The following CLVS1 variants were observed in gnomAD, a reference collection of about 807,000 sequenced individuals.
CLVS1 encodes clavesin 1.
A neutral mutation model predicts 33.1 loss-of-function variants in CLVS1; 10 were observed. The ratio of observed to expected loss-of-function variants is 0.30; its 90% confidence interval spans 0.19 to 0.51. CLVS1 has a LOEUF of 0.51. CLVS1 is among the 20% of genes least tolerant of loss of function. CLVS1 has a pLI of 0.97. For missense variants in CLVS1, 343 were observed against 433.4 expected, an observed-to-expected ratio of 0.79 and a Z score of 1.85; for synonymous variants, 163 against 166.1, an observed-to-expected ratio of 0.98 and a Z score of 0.14.
chr8:61,251,385 G>T (rs941235668), intron 2 of CLVS1, among the ~76,000 whole-genome samples: 2 of 152,070 alleles, frequency 1.3e-5, no homozygotes, highest in Non-Finnish European at 1.5e-5. Context: ...TTTTTTTGTG[G>T]TGTCTCTGCC....
chr8:61,267,213 T>C (rs1022077948), intron 2 of CLVS1, among the ~76,000 whole-genome samples: 2 of 152,198 alleles, frequency 1.3e-5, no homozygotes, highest in African/African-American at 4.8e-5. Flanking sequence ...ATAAGCGTAG[T>C]GTGGGGGCAT....
chr8:61,352,025 A>G (rs1432909579), intron 2 of CLVS1, among the ~76,000 whole-genome samples: 1 of 152,082 alleles, frequency 6.6e-6, no homozygotes, highest in Non-Finnish European at 1.5e-5. Flanking sequence ...ACATGTGCAT[A>G]TAATAAACTA....
chr8:61,363,597 A>G (rs1263331267), intron 2 of CLVS1, among the ~76,000 whole-genome samples: 1 of 152,128 alleles, frequency 6.6e-6, no homozygotes, highest in Non-Finnish European at 1.5e-5. Context: ...AGCAAAATTA[A>G]CTCTCCAAAC....
At chr8:61,451,597 C>T (rs1816956505) in intron 3 of CLVS1, among the ~76,000 whole-genome samples, 1 of 152,082 alleles carries the variant, frequency 6.6e-6, no homozygotes, top group African/African-American at 2.4e-5. Context: ...TGAGATACAT[C>T]TGCTCTAGCC....
At chr8:61,337,818 A>G (rs146089745) in intron 2 of CLVS1, among the ~76,000 whole-genome samples, 131 of 152,358 alleles carry the variant, frequency 8.6e-4, no homozygotes, top group African/African-American at 2.7e-3. Flanking sequence ...TTTGGGTGAC[A>G]TCAGGAACTG....
rs1284388386 is a variant in CLVS1 at position 61,166,873 on chromosome 8, ATTTTTTTCT to A, written c.-152+35028_-152+35036del. Among the ~76,000 whole-genome samples, 3 of 146,710 alleles carry A rather than the reference ATTTTTTTCT, an allele frequency of 2.0e-5. No individual in the cohort carries two copies. In the East Asian group the frequency reaches 5.8e-4, roughly 29 times the overall value. ...ATTAAAAGGTAATGCTTAGGTCATA[ATTTTTTTCT>A]TTTTTTTCTTTTTTCTTTAAGAACT... On this transcript the variant is annotated intron_variant, in intron 2 of 2. Coordinates refer to the CLVS1 transcript ENST00000522621.
intron 2 of CLVS1, among the ~76,000 whole-genome samples, chr8:61,150,505 G>A (rs764775875): frequency 1.2e-4 from 18 of 152,300 alleles, no homozygotes; most frequent in East Asian, 1.9e-4. Context: ...GGTCGGGGGC[G>A]TTTGGGAAGC....
At chr8:61,045,825 T>C in the CLVS1 span, among the ~76,000 whole-genome samples, 1 of 152,130 alleles carries the variant, frequency 6.6e-6, no homozygotes, top group African/African-American at 2.4e-5. Flanking sequence ...TCTGGCCACT[T>C]TGGTCTTTTT....
chr8:61,047,635 C>T, the CLVS1 span, among the ~76,000 whole-genome samples: 1 of 152,268 alleles, frequency 6.6e-6, no homozygotes, highest in South Asian at 2.1e-4. Flanking sequence ...AGTTCATGTC[C>T]TTTGTAGGGA....
At chr8:61,313,936 C>T (rs1369653740) in intron 2 of CLVS1, among the ~76,000 whole-genome samples, 3 of 152,146 alleles carry the variant, frequency 2.0e-5, no homozygotes, top group Admixed American at 6.5e-5. Flanking sequence ...GTCATGGGCT[C>T]GGCAGGGGCT....
the CLVS1 span, among the ~76,000 whole-genome samples, chr8:60,992,569 C>T: frequency 3.9e-5 from 6 of 152,156 alleles, no homozygotes; most frequent in Non-Finnish European, 8.8e-5. Context: ...GAGAAAAAAC[C>T]TTCAGGAGTT....
intron 1 of CLVS1, chr8:61,090,995 C>CA (rs1805236195): frequency 2.0e-6 from 1 of 489,352 alleles, no homozygotes; most frequent in Non-Finnish European, 4.0e-6. Context: ...CATGCCCCCC[C>CA]ACCAATACAT....
chr8:61,048,691 TGGA>T, the CLVS1 span, among the ~76,000 whole-genome samples: 1 of 152,094 alleles, frequency 6.6e-6, no homozygotes, highest in African/African-American at 2.4e-5. Flanking sequence ...GTGGTAGTGG[TGGA>T]GAAGATCACT....
the CLVS1 span, among the ~76,000 whole-genome samples, chr8:60,965,567 G>A: frequency 2.6e-5 from 4 of 152,148 alleles, no homozygotes; most frequent in East Asian, 7.7e-4. Context: ...GGAGGGCAGG[G>A]AGGGGGCAAA....
the CLVS1 span, among the ~76,000 whole-genome samples, chr8:61,030,656 G>C: frequency 2.4e-4 from 37 of 152,332 alleles, no homozygotes; most frequent in African/African-American, 7.5e-4. Flanking sequence ...GCTGTGGACA[G>C]GTGGCTGTGG....
chr8:61,492,516 G>A (rs1804128109), intron 5 of CLVS1, among the ~76,000 whole-genome samples: 1 of 152,086 alleles, frequency 6.6e-6, no homozygotes, highest in Admixed American at 6.6e-5. Flanking sequence ...AGGTGCACAT[G>A]TTTTTTTGGG....
the CLVS1 span, among the ~76,000 whole-genome samples, chr8:61,011,725 G>A: frequency 6.6e-6 from 1 of 152,116 alleles, no homozygotes; most frequent in African/African-American, 2.4e-5. Context: ...GGGATTACAG[G>A]CGTGAACCAC....
intron 1 of CLVS1, among the ~76,000 whole-genome samples, chr8:61,071,665 C>T (rs1804799294): frequency 6.6e-6 from 1 of 152,178 alleles, no homozygotes; most frequent in African/African-American, 2.4e-5. Flanking sequence ...CATTCTTTAG[C>T]ATACCATGGT....
chr8:61,013,864 G>A, the CLVS1 span, among the ~76,000 whole-genome samples: 2 of 152,120 alleles, frequency 1.3e-5, no homozygotes, highest in African/African-American at 2.4e-5. Context: ...AAGGTTGGAC[G>A]CAGCCTGTTG....
Sources: gnomAD v4.1 joint callset for allele counts (sites outside exome capture counted in the v4.1 genomes callset) on GRCh38, gnomAD v4.1.1 for gene constraint, MANE v1.5 for transcripts, NCBI Gene and HGNC (gene_info 2026-07-23, HGNC 2026-07-21) for gene names.